The following TRIM32 variants were observed in gnomAD, a reference collection of about 807,000 sequenced individuals.
The protein encoded by TRIM32 is E3 ubiquitin-protein ligase TRIM32.
A neutral mutation model predicts 36.0 loss-of-function variants in TRIM32; 19 were observed. The observed-to-expected ratio is 0.53, with a 90% CI of 0.37 to 0.77. TRIM32 has a LOEUF of 0.77. TRIM32 is among the 30% of genes least tolerant of loss of function. The pLI, the probability that TRIM32 is intolerant of heterozygous loss-of-function variation, is 0.00. For missense variants in TRIM32, 747 were observed against 845.2 expected (o/e 0.88, Z 1.44); for synonymous variants, 309 against 318.5 (o/e 0.97, Z 0.32).
At chr9:116,692,410 A>C (rs979583069) in intron 1 of TRIM32, among the ~76,000 whole-genome samples, 3 of 152,192 alleles carry the variant, frequency 2.0e-5, no homozygotes, top group Admixed American at 1.3e-4. Flanking sequence ...TAATAATAAA[A>C]ACTATTATTT....
chr9:116,700,065 T>TTGA lies in TRIM32; in HGVS notation c.*364_*366dup. ...ATCCTTGATTTTTTCCCATTTGGCTTTGATGCCCTTGATCCATTGTTTCCT... is the reference window on the plus strand; with the variant it reads ...ATCCTTGATTTTTTCCCATTTGGCTTTGATGATGCCCTTGATCCATTGTTTCCT... On this transcript the variant is annotated 3_prime_UTR_variant, in exon 2 of 2. Transcript: ENST00000450136. 1 of 327,802 alleles carries TTGA rather than the reference T, an allele frequency of 3.1e-6. No individual in the cohort carries two copies. The highest frequency in any genetic ancestry group is 7.8e-5 in the East Asian group (1 of 12,748). The allele number at this position is 327,802 out of a possible 1,614,324, so 20.3% of individuals were successfully genotyped here. A position where few individuals can be genotyped will look rare whatever the true frequency, so the allele number is the denominator to read the frequency against.
chr9:116,699,230 C>A lies in TRIM32; in HGVS notation c.1488C>A (p.Phe496Leu), dbSNP rs371233848. 1.9e-6 allele frequency: 3 copies of A among 1,614,114 alleles called. No individual in the cohort carries two copies. Among genetic ancestry groups the A allele is most frequent in the African/African-American group, 1.3e-5 (1 of 74,944 alleles). Reference protein sequence around the residue: ...TDVEGGKLWCFTVDRGSGVVK... With the variant: ...TDVEGGKLWCLTVDRGSGVVK... The stretch of plus-strand genomic sequence containing the variant: ...TGGAAGGTGGAAAGCTTTGGTGTTT[C>A]ACAGTTGATCGAGGATCAGGGGTGG... Residue 496 changes from phenylalanine (F) to leucine (L), a missense_variant, in exon 2 of 2, where the codon TTC becomes TTA. Physicochemically the swap from Phe to Leu is conservative, Grantham distance 22. Transcript: ENST00000450136. The surrounding 1 kb of genome is among the most constrained non-coding windows in gnomAD (Gnocchi z 4.2).
chr9:116,690,246 T>G (rs933879875), intron 1 of TRIM32, among the ~76,000 whole-genome samples: 3 of 152,224 alleles, frequency 2.0e-5, no homozygotes, highest in African/African-American at 2.4e-5. Context: ...GTGCTTATTA[T>G]GTGCATTATC....
intron 1 of TRIM32, among the ~76,000 whole-genome samples, chr9:116,691,172 G>A (rs918507660): frequency 1.3e-5 from 2 of 152,162 alleles, no homozygotes; most frequent in African/African-American, 4.8e-5. Flanking sequence ...GTCTCTGCTA[G>A]TCTCCCCAAA....
chr9:116,698,971 G>A lies in TRIM32; in HGVS notation c.1229G>A (p.Ser410Asn). Reference sequence around the variant, plus strand: ...GGCTTTTTGAAGGAAATCCGCCGCAGCCCCAGTGGCATTGATAGCTTTGTG... The same window carrying A: ...GGCTTTTTGAAGGAAATCCGCCGCAACCCCAGTGGCATTGATAGCTTTGTG... ...RKGFLKEIRRSPSGIDSFVLS... is the reference protein window; with the variant it reads ...RKGFLKEIRRNPSGIDSFVLS... The change falls in exon 2 of 2, where the codon AGC (serine) becomes AAC (asparagine). Residue 410 changes from serine (S) to asparagine (N), a missense_variant. Ser to Asn is a conservative substitution (Grantham distance 46, BLOSUM62 1). Transcript: ENST00000450136. The surrounding 1 kb of genome is among the most constrained non-coding windows in gnomAD (Gnocchi z 4.4). The A allele has an allele frequency of 1.9e-6, 3 of 1,614,158 alleles. No homozygotes were observed. Among genetic ancestry groups the A allele is most frequent in the Non-Finnish European group, 2.5e-6 (3 of 1,180,048 alleles).
intron 1 of TRIM32, among the ~76,000 whole-genome samples, chr9:116,688,175 G>A (rs1860369654): frequency 6.6e-6 from 1 of 152,058 alleles, no homozygotes; most frequent in Admixed American, 6.5e-5. Context: ...AACGATCTGA[G>A]TCCGAGGGAT....
In TRIM32 at chr9:116,699,616, C is replaced by G; in HGVS notation, c.1874C>G (p.Thr625Ser). 6.2e-7 allele frequency: 1 copy of G among 1,614,180 alleles called. No individual in the cohort carries two copies. Among genetic ancestry groups the G allele is most frequent in the Non-Finnish European group, 8.5e-7 (1 of 1,180,028 alleles). ...GLTCPVGIAL[T>S]PKGQLLVLDC... Reference sequence around the variant, plus strand: ...ACCTGTCCGGTGGGCATAGCCCTAACTCCTAAGGGGCAGCTGCTGGTCTTG... The same window carrying G: ...ACCTGTCCGGTGGGCATAGCCCTAAGTCCTAAGGGGCAGCTGCTGGTCTTG... The change falls in exon 2 of 2, where the codon ACT becomes AGT. Residue 625 changes from threonine (T) to serine (S), a missense_variant. By Grantham distance (58) the Thr-to-Ser change is moderately conservative. Transcript: ENST00000450136. This position sits in a 1 kb window ranked among gnomAD's most constrained non-coding sequence, Gnocchi z 4.2.
chr9:116,698,030 G>A lies in TRIM32; in HGVS notation c.288G>A (p.Gly96=). 1.2e-6 allele frequency: 2 copies of A among 1,614,008 alleles called. No individual in the cohort carries two copies. Among genetic ancestry groups the A allele is most frequent in the East Asian group, 2.2e-5 (1 of 44,860 alleles). The change falls in exon 2 of 2, where the codon GGG becomes GGA. Residue 96 remains glycine (G), a synonymous_variant. Coordinates refer to ENST00000450136, the MANE Select transcript of TRIM32 (RefSeq NM_012210.4). The surrounding 1 kb of genome is among the most constrained non-coding windows in gnomAD (Gnocchi z 4.4). ...CAGCTGGGCTCAGCGAGGCTGTGGG[G>A]CTGCTCATGTGTCGGTCCTGTGGGC... ...IDTAGLSEAV[G]LLMCRSCGRR... is the part of the protein sequence containing the mutation.
At chr9:116,693,471 C>T (rs1013774701) in intron 1 of TRIM32, among the ~76,000 whole-genome samples, 2 of 152,156 alleles carry the variant, frequency 1.3e-5, no homozygotes, top group African/African-American at 4.8e-5. Flanking sequence ...AGTCTTAGGG[C>T]AGCCAGAGTA....
chr9:116,694,214 T>A (rs1232601233), intron 1 of TRIM32, among the ~76,000 whole-genome samples: 2 of 152,120 alleles, frequency 1.3e-5, no homozygotes, highest in Non-Finnish European at 2.9e-5. Flanking sequence ...GAAGGAGGGA[T>A]ATGATATTCC....
At position 116,699,934 on chromosome 9, in the gene TRIM32, G is replaced by A. The variant is rs1326749830; in HGVS notation, c.*230G>A. 2 of 630,570 alleles carry A rather than the reference G, an allele frequency of 3.2e-6. No individual in the cohort carries two copies. The highest frequency in any genetic ancestry group is 2.8e-5 in the East Asian group (1 of 35,228). The allele number at this position is 630,570 out of a possible 1,614,324, so 39.1% of individuals were successfully genotyped here. A position where few individuals can be genotyped will look rare whatever the true frequency, so the allele number is the denominator to read the frequency against. ...GATGCACTGCCCAAATAGGACACAC[G>A]ATGGTGTTAGCTGAAGTTTGATTAG... On this transcript the variant is annotated 3_prime_UTR_variant, in exon 2 of 2. Coordinates refer to ENST00000450136, the MANE Select transcript of TRIM32 (RefSeq NM_012210.4). The surrounding 1 kb of genome is among the most constrained non-coding windows in gnomAD (Gnocchi z 4.2).
chr9:116,696,948 A>AT (rs1396484797), intron 1 of TRIM32, among the ~76,000 whole-genome samples: 2 of 85,824 alleles, frequency 2.3e-5, no homozygotes, highest in African/African-American at 3.8e-5. Flanking sequence ...CTGTGACATG[A>AT]TTAAAAAAAA....
In TRIM32 at chr9:116,687,348, C is replaced by A. The variant is rs1407086482; in HGVS notation, c.-115C>A. 1.9e-5 allele frequency: 14 copies of A among 753,422 alleles called. No homozygotes were observed. The South Asian group carries it at 1.9e-4, about 10-fold the overall frequency. 46.7% of individuals were successfully genotyped at this position (753,422 alleles called of 1,614,324 possible). A position where few individuals can be genotyped will look rare whatever the true frequency, so the allele number is the denominator to read the frequency against. Reference sequence around the variant, plus strand: ...AGAGGGAGGCAGGCGGGTGGGCTGCCGGCGGTGGACTCGTCGGAGCCGCGG... The same window carrying A: ...AGAGGGAGGCAGGCGGGTGGGCTGCAGGCGGTGGACTCGTCGGAGCCGCGG... On this transcript the variant is annotated 5_prime_UTR_variant, in exon 1 of 2. Coordinates refer to ENST00000450136, the MANE Select transcript of TRIM32 (RefSeq NM_012210.4).
chr9:116,697,625 C>T (rs1860931899), intron 1 of TRIM32, 37 bp from the exon 2 acceptor site: 15 of 1,295,676 alleles, frequency 1.2e-5, no homozygotes, highest in Non-Finnish European at 1.6e-5. Flanking sequence ...TTTATATAGT[C>T]AGAGGAAAAT....
In TRIM32 at chr9:116,699,719, T is replaced by C. The variant is rs1861079406; in HGVS notation, c.*15T>C. 2 of 1,614,076 alleles carry C rather than the reference T, an allele frequency of 1.2e-6. No individual in the cohort carries two copies. Among genetic ancestry groups the C allele is most frequent in the Admixed American group, 1.7e-5 (1 of 60,008 alleles). On this transcript the variant is annotated 3_prime_UTR_variant, in exon 2 of 2. Coordinates refer to ENST00000450136, the MANE Select transcript of TRIM32 (RefSeq NM_012210.4). The surrounding 1 kb of genome is among the most constrained non-coding windows in gnomAD (Gnocchi z 4.2). ...CCACCCCATAGGGGATGAGAAATTA[T>C]CAGTTTCTTCTGCTCCCAAGCCAAC...
In TRIM32 at chr9:116,700,529, A is replaced by G. The variant is rs1861118661; in HGVS notation, c.*825A>G. 6.0e-6 allele frequency: 1 copy of G among 167,146 alleles called. No individual in the cohort carries two copies. The allele number at this position is 167,146 out of a possible 1,614,324, so 10.4% of individuals were successfully genotyped here. A position where few individuals can be genotyped will look rare whatever the true frequency, so the allele number is the denominator to read the frequency against. Reference sequence around the variant, plus strand: ...TAGTCTCTAGGGCTCATCATTTTTCATACTACCTCTCTCTTCTGGCCTGTG... The same window carrying G: ...TAGTCTCTAGGGCTCATCATTTTTCGTACTACCTCTCTCTTCTGGCCTGTG... On this transcript the variant is annotated 3_prime_UTR_variant, in exon 2 of 2. Transcript: ENST00000450136.
At chr9:116,688,524 C>T (rs1345951587) in intron 1 of TRIM32, among the ~76,000 whole-genome samples, 1 of 152,132 alleles carries the variant, frequency 6.6e-6, no homozygotes, top group African/African-American at 2.4e-5. Flanking sequence ...TCAGATAATC[C>T]TGAAGGAGTG....
chr9:116,699,755 T>G lies in TRIM32; in HGVS notation c.*51T>G. ...TGCTCCCAAGCCAACTTCCCTTCCC[T>G]TAGTTCTTGGTTGTTAGTGGCACAT... is the stretch of plus-strand genomic sequence containing the variant. On this transcript the variant is annotated 3_prime_UTR_variant, in exon 2 of 2. Coordinates refer to ENST00000450136, the MANE Select transcript of TRIM32 (RefSeq NM_012210.4). The surrounding 1 kb of genome is among the most constrained non-coding windows in gnomAD (Gnocchi z 4.2). 1 of 1,613,326 alleles carries G rather than the reference T, an allele frequency of 6.2e-7. No individual in the cohort carries two copies. Among genetic ancestry groups the G allele is most frequent in the East Asian group, 2.2e-5 (1 of 44,872 alleles).
chr9:116,689,916 T>C (rs1199432893), intron 1 of TRIM32, among the ~76,000 whole-genome samples: 1 of 152,170 alleles, frequency 6.6e-6, no homozygotes, highest in Non-Finnish European at 1.5e-5. Flanking sequence ...CTGAAGGCAG[T>C]CATACTCTGA....
Sources: allele counts gnomAD v4.1 joint callset (sites outside exome capture counted in the v4.1 genomes callset), GRCh38; gene constraint gnomAD v4.1.1; non-coding constraint Gnocchi (gnomAD v3.1); transcripts MANE v1.5; gene names NCBI Gene and HGNC (gene_info 2026-07-23, HGNC 2026-07-21).